DARS1: variants seen among roughly 807,000 people sequenced by gnomAD.
DARS1 encodes the protein aspartate--tRNA ligase, cytoplasmic.
In DARS1, 51 loss-of-function variants were observed where a neutral mutation model predicts 68.8. The ratio of observed to expected loss-of-function variants is 0.74; its 90% confidence interval spans 0.59 to 0.94. DARS1 has a LOEUF of 0.94. Ranked by LOEUF, DARS1 falls within the 40% of genes least tolerant of loss-of-function variation. The pLI is 0.00. For synonymous variants in DARS1, 203 were observed against 190.4 expected (o/e 1.07, Z -0.55); for missense variants, 607 against 597.3 (o/e 1.02, Z -0.17).
At chr2:135,935,824 T>G (rs547240752) in intron 5 of DARS1, among the ~76,000 whole-genome samples, 1 of 152,286 alleles carries the variant, frequency 6.6e-6, no homozygotes, top group East Asian at 1.9e-4. Flanking sequence ...TTTAGTTACT[T>G]CAGGAAAGGG....
chr2:135,927,628 A>G (rs1681249212), intron 7 of DARS1, among the ~76,000 whole-genome samples: 1 of 152,136 alleles, frequency 6.6e-6, no homozygotes, highest in African/African-American at 2.4e-5. Flanking sequence ...TATGCCTCCT[A>G]GTACTGGGCT....
chr2:135,915,993 C>T (rs1680994796), intron 11 of DARS1, among the ~76,000 whole-genome samples: 1 of 152,002 alleles, frequency 6.6e-6, no homozygotes, highest in South Asian at 2.1e-4. Context: ...ATACTGTATA[C>T]CAAAGTTAAT....
intron 4 of DARS1, among the ~76,000 whole-genome samples, chr2:135,952,686 A>AG (rs1289507319): frequency 6.6e-6 from 1 of 152,134 alleles, no homozygotes; most frequent in Non-Finnish European, 1.5e-5. Context: ...AGGTTCATCT[A>AG]TGTTGCCACA....
At chr2:135,985,258 G>A (rs958339905) in intron 1 of DARS1, 145 bp downstream of exon 1, 1 of 1,355,072 alleles carries the variant, frequency 7.4e-7, no homozygotes, top group East Asian at 2.5e-5. Context: ...TGGGGCAAGG[G>A]CTCTAGGCGC....
chr2:135,975,119 T>G (rs1313484534), intron 3 of DARS1, among the ~76,000 whole-genome samples: 1 of 149,244 alleles, frequency 6.7e-6, no homozygotes, highest in Admixed American at 6.6e-5. Context: ...CTGAGGTGGG[T>G]GGATCACAAG....
chr2:135,914,334 A>T (rs1416670081), intron 12 of DARS1, 135 bp downstream of exon 12: 3 of 651,608 alleles, frequency 4.6e-6, no homozygotes, highest in Non-Finnish European at 8.2e-6. Flanking sequence ...AATTTTTTTA[A>T]TGTTGTCCTT....
At chr2:135,979,742 G>A (rs1364543762) in intron 2 of DARS1, among the ~76,000 whole-genome samples, 1 of 152,144 alleles carries the variant, frequency 6.6e-6, no homozygotes, top group African/African-American at 2.4e-5. Context: ...ACACTTCAAT[G>A]ACTTGTAAGG....
At chr2:135,938,531 C>T (rs896596619) in intron 5 of DARS1, among the ~76,000 whole-genome samples, 3 of 152,174 alleles carry the variant, frequency 2.0e-5, no homozygotes, top group Admixed American at 1.3e-4. Flanking sequence ...TGTTGCGTTG[C>T]TGGCGAGGAG....
chr2:135,924,553 A>G (rs1575387228), intron 7 of DARS1, 55 bp from the exon 8 acceptor site: 1 of 1,566,808 alleles, frequency 6.4e-7, no homozygotes, highest in Non-Finnish European at 8.6e-7. Context: ...ACTAAGCACT[A>G]ACTCTGTGGG....
intron 11 of DARS1, 118 bp from the exon 12 acceptor site, chr2:135,914,629 G>A (rs1032871811): frequency 5.2e-6 from 4 of 763,982 alleles, no homozygotes; most frequent in African/African-American, 1.7e-5. Flanking sequence ...AGAACACGCA[G>A]TTGTCTATTC....
At chr2:135,956,204 C>T (rs2104829548) in intron 4 of DARS1, among the ~76,000 whole-genome samples, 1 of 152,194 alleles carries the variant, frequency 6.6e-6, no homozygotes, top group East Asian at 1.9e-4. Context: ...GTGGTAAAAA[C>T]AAATTTTATT....
At chr2:135,967,702 C>T (rs920860335) in intron 3 of DARS1, among the ~76,000 whole-genome samples, 7 of 151,990 alleles carry the variant, frequency 4.6e-5, no homozygotes, top group Non-Finnish European at 1.0e-4. Context: ...TTATAGGATT[C>T]TAAATGTCAT....
At chr2:135,960,089 T>C (rs1303874221) in intron 4 of DARS1, among the ~76,000 whole-genome samples, 1 of 152,056 alleles carries the variant, frequency 6.6e-6, no homozygotes, top group South Asian at 2.1e-4. Context: ...CCTTAAAAGG[T>C]TGGAAGACAA....
intron 10 of DARS1, among the ~76,000 whole-genome samples, chr2:135,917,725 C>T (rs561559781): frequency 2.0e-5 from 3 of 151,878 alleles, no homozygotes; most frequent in Non-Finnish European, 4.4e-5. Context: ...GCAATCTGCC[C>T]GTCTCGGCCT....
At chr2:135,957,076 ATT>A (rs1681991953) in intron 4 of DARS1, among the ~76,000 whole-genome samples, 2 of 151,772 alleles carry the variant, frequency 1.3e-5, no homozygotes, top group South Asian at 4.2e-4. Flanking sequence ...GTGATAACTT[ATT>A]TTTTAAGCCA....
intron 15 of DARS1, 120 bp from the exon 16 acceptor site, chr2:135,907,527 G>A: frequency 1.6e-6 from 1 of 621,412 alleles, no homozygotes; most frequent in Non-Finnish European, 2.7e-6. Context: ...GAAAGAAAAT[G>A]ACTCTTATTA....
chr2:135,983,409 G>C lies in DARS1; in HGVS notation c.112C>G (p.Gln38Glu). The change falls in exon 2 of 16, where the codon CAA (glutamine) becomes GAA (glutamate). Residue 38 changes from glutamine (Q) to glutamate (E), a missense_variant. Gln to Glu is a conservative substitution (Grantham distance 29). Transcript: ENST00000264161. ...CATAGCTACTAACCTGGTTTTTCTT[G>C]TGATTGTATCATTGAAGATATTCCA... Reference protein sequence around the residue: ...RYGISSMIQSQEKPDRVLVRV... With the variant: ...RYGISSMIQSEEKPDRVLVRV... 1 of 1,184,290 alleles carries C rather than the reference G, an allele frequency of 8.4e-7. No homozygotes were observed. The highest frequency in any genetic ancestry group is 1.3e-5 in the South Asian group (1 of 79,208). The allele number at this position is 1,184,290 out of a possible 1,614,324, so 73.4% of individuals were successfully genotyped here.
At chr2:135,973,427 G>A (rs1558800149) in intron 3 of DARS1, among the ~76,000 whole-genome samples, 1 of 151,908 alleles carries the variant, frequency 6.6e-6, no homozygotes, top group Non-Finnish European at 1.5e-5. Context: ...GGCTGGGAAG[G>A]GTAATAGGGG....
intron 4 of DARS1, among the ~76,000 whole-genome samples, chr2:135,946,205 G>A (rs1426874586): frequency 6.6e-6 from 1 of 152,172 alleles, no homozygotes; most frequent in East Asian, 1.9e-4. Flanking sequence ...TGTAGAAAGA[G>A]TCTGATTATA....
Sources: gnomAD v4.1 joint callset for allele counts (sites outside exome capture counted in the v4.1 genomes callset) on GRCh38, gnomAD v4.1.1 for gene constraint, MANE v1.5 for transcripts, NCBI Gene and HGNC (gene_info 2026-07-23, HGNC 2026-07-21) for gene names.